MGAT4C: variants seen among roughly 807,000 people sequenced by gnomAD.
MGAT4C encodes the protein MGAT4 family member C, also known as alpha-1,3-mannosyl-glycoprotein 4-beta-N-acetylglucosaminyltransferase C.
Under a neutral mutation model 40.1 loss-of-function variants are expected in MGAT4C, and 19 were observed. The ratio of observed to expected loss-of-function variants is 0.47; its 90% CI spans 0.33 to 0.70. MGAT4C has a LOEUF of 0.70. Ranked by LOEUF, MGAT4C falls within the 30% of genes least tolerant of loss-of-function variation. The pLI is 0.02. For synonymous variants in MGAT4C, 181 were observed against 187.1 expected (o/e 0.97, Z 0.27); for missense variants, 491 against 563.2 (o/e 0.87, Z 1.30).
intron 2 of MGAT4C, among the ~76,000 whole-genome samples, chr12:86,651,393 A>G (rs1429979154): frequency 6.6e-6 from 1 of 151,888 alleles, no homozygotes; most frequent in Non-Finnish European, 1.5e-5. Context: ...TTTAAAATCC[A>G]ACAATTTAAG....
At chr12:86,837,854 G>A (rs1953069415) in intron 1 of MGAT4C, among the ~76,000 whole-genome samples, 1 of 152,048 alleles carries the variant, frequency 6.6e-6, no homozygotes, top group African/African-American at 2.4e-5. Context: ...AGTCACCTTT[G>A]CTGTTCTAAG....
chr12:86,512,147 G>A (rs1378553410), intron 2 of MGAT4C, among the ~76,000 whole-genome samples: 1 of 152,074 alleles, frequency 6.6e-6, no homozygotes, highest in Non-Finnish European at 1.5e-5. Flanking sequence ...ACATACAAAT[G>A]TCAAATAGGT....
intron 2 of MGAT4C, among the ~76,000 whole-genome samples, chr12:86,688,992 T>C (rs1950125082): frequency 6.6e-6 from 1 of 152,216 alleles, no homozygotes; most frequent in South Asian, 2.1e-4. Context: ...CAATCAAACA[T>C]AGGTTTGGTC....
chr12:86,268,091 T>C (rs1952835732), intron 4 of MGAT4C, among the ~76,000 whole-genome samples: 1 of 152,154 alleles, frequency 6.6e-6, no homozygotes, highest in African/African-American at 2.4e-5. Context: ...TATGTCAACC[T>C]TGAATTATAA....
At chr12:86,274,305 T>G (rs1953017785) in intron 4 of MGAT4C, among the ~76,000 whole-genome samples, 1 of 152,176 alleles carries the variant, frequency 6.6e-6, no homozygotes, top group Non-Finnish European at 1.5e-5. Flanking sequence ...GAGATTTGGG[T>G]GGGGACATAT....
At chr12:86,546,130 G>A (rs994573933) in intron 2 of MGAT4C, among the ~76,000 whole-genome samples, 1 of 151,868 alleles carries the variant, frequency 6.6e-6, no homozygotes, top group South Asian at 2.1e-4. Context: ...TTATGGAAGT[G>A]TATAAATCTG....
At chr12:86,251,043 C>T (rs1016952416) in intron 1 of MGAT4C, among the ~76,000 whole-genome samples, 1 of 151,128 alleles carries the variant, frequency 6.6e-6, no homozygotes, top group African/African-American at 2.4e-5. Context: ...TGAACATTTA[C>T]TATATGCAAG....
intron 2 of MGAT4C, among the ~76,000 whole-genome samples, chr12:86,535,049 G>A (rs1224534874): frequency 2.6e-5 from 4 of 151,996 alleles, no homozygotes; most frequent in African/African-American, 9.7e-5. Flanking sequence ...GTTCATTTGT[G>A]AAGACAAAGC....
At chr12:86,835,982 C>A (rs1037691910) in intron 1 of MGAT4C, among the ~76,000 whole-genome samples, 2 of 151,794 alleles carry the variant, frequency 1.3e-5, no homozygotes, top group Non-Finnish European at 2.9e-5. Flanking sequence ...TGAGCATATG[C>A]GGTGCACAAA....
At chr12:86,074,045 T>C (rs1869147230) in intron 1 of MGAT4C, among the ~76,000 whole-genome samples, 2 of 152,240 alleles carry the variant, frequency 1.3e-5, no homozygotes, top group Admixed American at 6.5e-5. Flanking sequence ...AATTGAATCA[T>C]GGGGGCCAGT....
intron 2 of MGAT4C, among the ~76,000 whole-genome samples, chr12:86,463,123 G>A (rs1957627123): frequency 6.6e-6 from 1 of 152,062 alleles, no homozygotes. Context: ...GCCCAGCCGG[G>A]ACACCCTGTC....
intron 1 of MGAT4C, among the ~76,000 whole-genome samples, chr12:86,086,695 T>C (rs1871919000): frequency 6.6e-6 from 1 of 152,068 alleles, no homozygotes; most frequent in African/African-American, 2.4e-5. Context: ...ATTCCACTCT[T>C]TTAGTTTTGT....
At chr12:86,158,548 G>A (rs767445051) in intron 1 of MGAT4C, among the ~76,000 whole-genome samples, 1 of 151,982 alleles carries the variant, frequency 6.6e-6, no homozygotes, top group Non-Finnish European at 1.5e-5. Context: ...TATTTTAAAA[G>A]AATCAACAAC....
chr12:86,325,994 T>G (rs1444768719), intron 4 of MGAT4C, among the ~76,000 whole-genome samples: 2 of 152,178 alleles, frequency 1.3e-5, no homozygotes, highest in African/African-American at 4.8e-5. Flanking sequence ...TTGCTTGGGC[T>G]TTGAAGTTAA....
intron 3 of MGAT4C, among the ~76,000 whole-genome samples, chr12:86,377,688 G>A (rs1406060672): frequency 1.3e-5 from 2 of 151,980 alleles, no homozygotes; most frequent in Admixed American, 6.6e-5. Context: ...TATTTTTAAT[G>A]TTGTACAATA....
chr12:86,761,029 T>C (rs1315273826), intron 1 of MGAT4C, among the ~76,000 whole-genome samples: 1 of 152,200 alleles, frequency 6.6e-6, no homozygotes, highest in Non-Finnish European at 1.5e-5. Flanking sequence ...TTCACAGGTG[T>C]ATAAATGTGC....
intron 2 of MGAT4C, among the ~76,000 whole-genome samples, chr12:86,505,676 T>C (rs965052811): frequency 1.3e-5 from 2 of 152,206 alleles, no homozygotes; most frequent in Non-Finnish European, 2.9e-5. Context: ...TTAAAGAAAA[T>C]GAGTAAAGGT....
At chr12:86,457,899 A>C (rs551829505) in intron 2 of MGAT4C, among the ~76,000 whole-genome samples, 24 of 152,094 alleles carry the variant, frequency 1.6e-4, no homozygotes, top group Non-Finnish European at 3.4e-4. Context: ...AGTATGGAAT[A>C]ATCCATGTAA....
chr12:86,784,876 C>T (rs1951905388), intron 1 of MGAT4C, among the ~76,000 whole-genome samples: 1 of 151,860 alleles, frequency 6.6e-6, no homozygotes, highest in South Asian at 2.1e-4. Context: ...AAAACTAACT[C>T]AAGCAATACA....
Sources: allele counts gnomAD v4.1 joint callset (sites outside exome capture counted in the v4.1 genomes callset), GRCh38; gene constraint gnomAD v4.1.1; transcripts MANE v1.5; gene names NCBI Gene and HGNC (gene_info 2026-07-23, HGNC 2026-07-21).